SIN3A: variants seen among roughly 807,000 people sequenced by gnomAD.
SIN3A encodes SIN3 transcription regulator family member A.
A neutral mutation model predicts 146.1 loss-of-function variants in SIN3A; 14 were observed. That is an observed-to-expected ratio of 0.10 (90% CI 0.06 to 0.15). The LOEUF is 0.15. Among genes scored for constraint, SIN3A ranks in the 10% least tolerant of loss-of-function variants. The pLI, the probability that SIN3A is intolerant of heterozygous loss-of-function variation, is 1.00. For synonymous variants in SIN3A, 572 were observed against 572.0 expected, an observed-to-expected ratio of 1.00 and a Z score of 0.00; for missense variants, 1,028 against 1,576.0, an observed-to-expected ratio of 0.65 and a Z score of 5.89.
At chr15:75,381,729 A>T in intron 17 of SIN3A, 24 bp from the exon 18 acceptor site, 1 of 1,562,292 alleles carries the variant, frequency 6.4e-7, no homozygotes. Context: ...ACCTAAGCGT[A>T]AACAAAAGAC....
At chr15:75,427,526 G>C (rs1358686896) in intron 2 of SIN3A, among the ~76,000 whole-genome samples, 1 of 151,864 alleles carries the variant, frequency 6.6e-6, no homozygotes, top group African/African-American at 2.4e-5. Flanking sequence ...TGGGCGTGGT[G>C]GTGCACGCCT....
At chr15:75,391,079 G>C (rs2073191264) in intron 15 of SIN3A, among the ~76,000 whole-genome samples, 1 of 152,196 alleles carries the variant, frequency 6.6e-6, no homozygotes, top group East Asian at 1.9e-4. Context: ...GTTTAAAAGA[G>C]GCAACTGGCT....
upstream of SIN3A, among the ~76,000 whole-genome samples, chr15:75,452,361 G>A (rs550496899): frequency 6.6e-6 from 1 of 152,330 alleles, no homozygotes; most frequent in African/African-American, 2.4e-5. Flanking sequence ...ATAGGAGGGG[G>A]AGCGGAGCTC....
intron 17 of SIN3A, among the ~76,000 whole-genome samples, chr15:75,383,612 T>C (rs925412865): frequency 6.6e-6 from 1 of 151,600 alleles, no homozygotes; most frequent in Middle Eastern, 3.4e-3. Flanking sequence ...TACTGCAAGC[T>C]CCGCCTCCCG....
rs147885320 is a variant in SIN3A at position 75,411,558 on chromosome 15, G to A, written c.942C>T (p.Ile314=). Residue 314 remains isoleucine (I), a synonymous_variant, in exon 6 of 21, where the codon ATC becomes ATT. Coordinates refer to ENST00000394947, the MANE Select transcript of SIN3A (RefSeq NM_001145358.2). The part of the protein sequence containing the change: ...FNHAINYVNK[I]KNRFQGQPDI... ...CTGGTTGGCCCTGAAATCTGTTCTT[G>A]ATCTTATTAACATAGTTGATGGCAT... 1.6e-4 allele frequency: 259 copies of A among 1,614,126 alleles called. No individual in the cohort carries two copies. The African/African-American group carries it at 3.0e-3, about 19-fold the overall frequency.
Position 75,400,138 on chromosome 15 carries a change from C to G in SIN3A, c.1756G>C (p.Val586Leu), listed in dbSNP as rs2073383648. The change falls in exon 12 of 21, where the codon GTT becomes CTT. Residue 586 changes from valine to leucine, a missense_variant. Physicochemically the swap from Val to Leu is conservative, Grantham distance 32. Transcript: ENST00000394947. ...TCCTCAGACCACGAAGGGAAGGAAA[C>G]CCAGGTATCATTTAAAACCTTTGGG... ...LCKEVLNDTW[V>L]SFPSWSEDST... 1 of 1,602,896 alleles carries G rather than the reference C, an allele frequency of 6.2e-7. No individual in the cohort carries two copies. Among genetic ancestry groups the G allele is most frequent in the Non-Finnish European group, 8.5e-7 (1 of 1,170,156 alleles).
At chr15:75,410,923 C>T (rs1028227567) in intron 6 of SIN3A, among the ~76,000 whole-genome samples, 2 of 144,576 alleles carry the variant, frequency 1.4e-5, no homozygotes, top group African/African-American at 5.2e-5. Flanking sequence ...TGCAGTGAGC[C>T]GACACTGCAC....
chr15:75,432,970 A>C (rs924727649), intron 1 of SIN3A, among the ~76,000 whole-genome samples: 12 of 152,142 alleles, frequency 7.9e-5, no homozygotes, highest in African/African-American at 2.9e-4. Context: ...TGAACCTGGG[A>C]GGCGGAGGTT....
intron 19 of SIN3A, among the ~76,000 whole-genome samples, chr15:75,378,412 G>C (rs895694053): frequency 1.3e-5 from 2 of 151,976 alleles, no homozygotes; most frequent in African/African-American, 4.8e-5. Flanking sequence ...TAAAAATACA[G>C]AATCAGCCGG....
rs1356236893 is a variant in SIN3A at position 75,451,676 on chromosome 15, G to C, written c.-287C>G. ...CCGTCTCCGCCGCCTCTACCGCCGC[G>C]GCCGCTTCTCTGTTACCCGGGAAAT... On this transcript the variant is annotated 5_prime_UTR_variant, in exon 1 of 21. Coordinates refer to ENST00000394947, the MANE Select transcript of SIN3A (RefSeq NM_001145358.2). The C allele has an allele frequency of 1.3e-5, 2 of 152,232 alleles. No homozygotes were observed. The highest frequency in any genetic ancestry group is 4.8e-5 in the African/African-American group (2 of 41,314). The allele number at this position is 152,232 out of a possible 1,614,324, so 9.4% of individuals were successfully genotyped here.
In SIN3A at chr15:75,410,006, T is replaced by A; in HGVS notation, c.1162-15A>T. 1 of 1,613,834 alleles carries A rather than the reference T, an allele frequency of 6.2e-7. No individual in the cohort carries two copies. The highest frequency in any genetic ancestry group is 8.5e-7 in the Non-Finnish European group (1 of 1,179,762). On this transcript the variant is annotated splice_polypyrimidine_tract_variant and intron_variant, in intron 7 of 20. Transcript: ENST00000394947. ...TTGCTTAAAAGCTGATTAAGACACATGAATGAGATTAATGCTCTTATCAAA... is the reference window on the plus strand; with the variant it reads ...TTGCTTAAAAGCTGATTAAGACACAAGAATGAGATTAATGCTCTTATCAAA...
chr15:75,436,497 A>T (rs900485683), intron 1 of SIN3A: 2 of 152,152 alleles, frequency 1.3e-5, no homozygotes, highest in African/African-American at 4.8e-5. Context: ...ATAATGATAA[A>T]CATGCTCAAG....
intron 1 of SIN3A, among the ~76,000 whole-genome samples, chr15:75,438,652 G>T (rs2074147533): frequency 6.6e-6 from 1 of 152,098 alleles, no homozygotes; most frequent in Non-Finnish European, 1.5e-5. Context: ...TTATGCCACT[G>T]CACTCCAGCA....
At chr15:75,426,867 G>A (rs2073933720) in intron 2 of SIN3A, among the ~76,000 whole-genome samples, 2 of 152,114 alleles carry the variant, frequency 1.3e-5, no homozygotes, top group African/African-American at 2.4e-5. Context: ...AGGAGGTGAA[G>A]GGTGCAGTGA....
intron 9 of SIN3A, among the ~76,000 whole-genome samples, chr15:75,406,673 G>C (rs1476612439): frequency 1.3e-5 from 2 of 151,912 alleles, no homozygotes; most frequent in African/African-American, 4.8e-5. Context: ...GGGCGACAGC[G>C]AGACTCCGTC....
At chr15:75,420,271 A>G (rs546056788) in intron 3 of SIN3A, 1 of 152,318 alleles carries the variant, frequency 6.6e-6, no homozygotes, top group East Asian at 1.9e-4. Flanking sequence ...CATGCCTCAA[A>G]TCGTTCAAAT....
intron 1 of SIN3A, among the ~76,000 whole-genome samples, chr15:75,434,174 C>G (rs1321314003): frequency 6.6e-6 from 1 of 152,144 alleles, no homozygotes; most frequent in African/African-American, 2.4e-5. Context: ...GCAAGTTCAG[C>G]TTTTTTTAAC....
intron 3 of SIN3A, among the ~76,000 whole-genome samples, chr15:75,418,732 G>A (rs1351509927): frequency 6.6e-6 from 1 of 151,856 alleles, no homozygotes; most frequent in Non-Finnish European, 1.5e-5. Context: ...CAGCACTAAT[G>A]GATTGAGACA....
At chr15:75,374,374 A>T (rs982125390) in intron 20 of SIN3A, among the ~76,000 whole-genome samples, 1 of 152,218 alleles carries the variant, frequency 6.6e-6, no homozygotes, top group Non-Finnish European at 1.5e-5. Flanking sequence ...AGACACAGCG[A>T]AACTCTGTCT....
Sources: allele counts gnomAD v4.1 joint callset (sites outside exome capture counted in the v4.1 genomes callset), GRCh38; gene constraint gnomAD v4.1.1; transcripts MANE v1.5; gene names NCBI Gene and HGNC (gene_info 2026-07-23, HGNC 2026-07-21).